Variants in NPY2R observed in about 807,000 individuals in gnomAD.
The protein encoded by NPY2R is neuropeptide Y receptor type 2.
NPY2R carries 17 observed loss-of-function variants against 22.3 expected under a neutral mutation model. The ratio of observed to expected loss-of-function variants is 0.76; its 90% CI spans 0.52 to 1.14. The LOEUF (loss-of-function observed/expected upper bound fraction) is 1.14. Among genes scored for constraint, NPY2R ranks in the 50% most tolerant of loss-of-function variants. NPY2R has a pLI of 0.00. For synonymous variants in NPY2R, 209 were observed against 183.4 expected, an observed-to-expected ratio of 1.14 and a Z score of -1.13; for missense variants, 424 against 467.9, an observed-to-expected ratio of 0.91 and a Z score of 0.87.
chr4:155,213,911 G>C lies in NPY2R; in HGVS notation c.-29G>C, dbSNP rs536462319. The stretch of plus-strand genomic sequence containing the variant: ...TTTTAGGTTGTAGACTCTTGTGCTG[G>C]TTGCAGGCCAAGTGGACCTGTACTG... On this transcript the variant is annotated 5_prime_UTR_variant, in exon 2 of 2. Transcript: ENST00000329476. 4 of 1,590,522 alleles carry C rather than the reference G, an allele frequency of 2.5e-6. No homozygotes were observed. The highest frequency in any genetic ancestry group is 2.6e-6 in the Non-Finnish European group (3 of 1,159,020).
At chr4:155,195,225 A>G in the NPY2R span, among the ~76,000 whole-genome samples, 1 of 151,944 alleles carries the variant, frequency 6.6e-6, no homozygotes, top group Non-Finnish European at 1.5e-5. Context: ...AATTCAGATG[A>G]CATTCTCTCT....
rs1357375268 is a variant in NPY2R, at chr4:155,214,644, A to G, written c.705A>G (p.Ile235Met). 2.5e-6 allele frequency: 4 copies of G among 1,614,084 alleles called. No homozygotes were observed. The highest frequency in any genetic ancestry group is 1.6e-4 in the Middle Eastern group (1 of 6,084). The change falls in exon 2 of 2, where the codon ATA becomes ATG. Residue 235 changes from isoleucine (I) to methionine (M), a missense_variant. By Grantham distance (10) the Ile-to-Met change is conservative. Coordinates refer to ENST00000329476, the MANE Select transcript of NPY2R (RefSeq NM_000910.4). The stretch of plus-strand genomic sequence containing the variant: ...TGTATGTTTTGCCTCTGGGCATTAT[A>G]TCATTTTCCTACACTCGCATTTGGA... ...LILYVLPLGI[I>M]SFSYTRIWSK... is the part of the protein sequence containing the mutation.
At chr4:155,176,212 G>C in the NPY2R span, among the ~76,000 whole-genome samples, 4 of 152,238 alleles carry the variant, frequency 2.6e-5, no homozygotes, top group Admixed American at 1.3e-4. Flanking sequence ...ATTTGAGACT[G>C]TATATCCCTT....
At chr4:155,187,359 A>G in the NPY2R span, among the ~76,000 whole-genome samples, 38 of 152,204 alleles carry the variant, frequency 2.5e-4, no homozygotes, top group African/African-American at 8.9e-4. Context: ...CTTGGCAGGA[A>G]TCACCAAAAG....
chr4:155,204,183 G>A (rs536501943), upstream of NPY2R, among the ~76,000 whole-genome samples: 1 of 151,362 alleles, frequency 6.6e-6, no homozygotes, highest in Non-Finnish European at 1.5e-5. Context: ...CTCAGGGACC[G>A]CTGATATTAA....
chr4:155,215,806 A>G lies in NPY2R; in HGVS notation c.*721A>G, dbSNP rs925524819. On this transcript the variant is annotated 3_prime_UTR_variant, in exon 2 of 2. Coordinates refer to ENST00000329476, the MANE Select transcript of NPY2R (RefSeq NM_000910.4). ...ATTCTCAGAATTACAGGAAATGCAA[A>G]CCATCATTTAATTTCTAATTTCAAG... 26 of 167,122 alleles carry G rather than the reference A, an allele frequency of 1.6e-4. No individual in the cohort carries two copies. Among genetic ancestry groups the G allele is most frequent in the African/African-American group, 6.3e-4 (26 of 41,444 alleles). 10.4% of individuals were successfully genotyped at this position (167,122 alleles called of 1,614,324 possible). A position where few individuals can be genotyped will look rare whatever the true frequency, so the allele number is the denominator to read the frequency against.
chr4:155,214,689 C>G lies in NPY2R; in HGVS notation c.750C>G (p.Val250=). 6.2e-7 allele frequency: 1 copy of G among 1,614,220 alleles called. No individual in the cohort carries two copies. The highest frequency in any genetic ancestry group is 8.5e-7 in the Non-Finnish European group (1 of 1,180,048). ...TTTGGAGTAAATTGAAGAACCATGTCAGTCCTGGAGCTGCAAATGACCACT... is the reference window on the plus strand; with the variant it reads ...TTTGGAGTAAATTGAAGAACCATGTGAGTCCTGGAGCTGCAAATGACCACT... The part of the protein sequence containing the change: ...TRIWSKLKNH[V]SPGAANDHYH... Residue 250 remains valine (V), a synonymous_variant, in exon 2 of 2, where the codon GTC becomes GTG. Transcript: ENST00000329476.
the NPY2R span, among the ~76,000 whole-genome samples, chr4:155,185,704 G>T: frequency 0.022 from 3,225 of 148,438 alleles, 126 homozygotes; most frequent in African/African-American, 0.075. Flanking sequence ...ATCTAATTTT[G>T]GTACAACAAA....
intron 1 of NPY2R, among the ~76,000 whole-genome samples, 180 bp downstream of exon 1, chr4:155,209,249 C>G (rs1729352942): frequency 6.6e-6 from 1 of 151,984 alleles, no homozygotes; most frequent in South Asian, 2.1e-4. Flanking sequence ...TCTACTTTCT[C>G]TAGATTTTCC....
At chr4:155,185,960 T>A in the NPY2R span, among the ~76,000 whole-genome samples, 1 of 152,136 alleles carries the variant, frequency 6.6e-6, no homozygotes, top group Non-Finnish European at 1.5e-5. Context: ...TGTTTACACG[T>A]CTGAAAAGTG....
rs1318564922 is a variant in NPY2R at position 155,215,318 on chromosome 4, T to C, written c.*233T>C. 1.6e-6 allele frequency: 1 copy of C among 609,298 alleles called. No homozygotes were observed. Among genetic ancestry groups the C allele is most frequent in the Non-Finnish European group, 3.0e-6 (1 of 334,290 alleles). 37.7% of individuals were successfully genotyped at this position (609,298 alleles called of 1,614,324 possible). Reference sequence around the variant, plus strand: ...CTTAACAGTTGGTTGGGTAGTAGGTTGCATTATGAGTAAAAGCAGAGAGAA... The same window carrying C: ...CTTAACAGTTGGTTGGGTAGTAGGTCGCATTATGAGTAAAAGCAGAGAGAA... On this transcript the variant is annotated 3_prime_UTR_variant, in exon 2 of 2. Transcript: ENST00000329476.
intron 1 of NPY2R, among the ~76,000 whole-genome samples, chr4:155,211,371 G>T (rs759427262): frequency 6.6e-6 from 1 of 152,124 alleles, no homozygotes; most frequent in African/African-American, 2.4e-5. Context: ...GTTTAAAACG[G>T]GGAGGGCAGA....
chr4:155,192,175 ATT>A, the NPY2R span, among the ~76,000 whole-genome samples: 17,730 of 151,814 alleles, frequency 0.12, 1,342 homozygotes, highest in African/African-American at 0.21. Context: ...TCAAAACAGG[ATT>A]ATTATAGTGT....
the NPY2R span, among the ~76,000 whole-genome samples, chr4:155,197,330 C>A: frequency 6.6e-6 from 1 of 151,860 alleles, no homozygotes. Flanking sequence ...TCTGAATAAA[C>A]CTAAGGTCAC....
At chr4:155,200,888 C>T in the NPY2R span, among the ~76,000 whole-genome samples, 1 of 151,856 alleles carries the variant, frequency 6.6e-6, no homozygotes, top group Non-Finnish European at 1.5e-5. Flanking sequence ...AGCATTAAGA[C>T]AAACTGCTAA....
chr4:155,185,950 T>C, the NPY2R span, among the ~76,000 whole-genome samples: 1 of 152,144 alleles, frequency 6.6e-6, no homozygotes, highest in African/African-American at 2.4e-5. Flanking sequence ...ATATACATCA[T>C]GTTTACACGT....
chr4:155,192,628 T>C, the NPY2R span, among the ~76,000 whole-genome samples: 11 of 151,942 alleles, frequency 7.2e-5, no homozygotes, highest in African/African-American at 2.4e-4. Flanking sequence ...ATTAATTGCT[T>C]AACAGCTTTC....
intron 1 of NPY2R, among the ~76,000 whole-genome samples, chr4:155,209,798 T>G (rs1245301490): frequency 6.6e-6 from 1 of 152,038 alleles, no homozygotes; most frequent in Admixed American, 6.5e-5. Context: ...CTGGAAGACA[T>G]TGTGCTTGAT....
At chr4:155,182,113 G>A in the NPY2R span, among the ~76,000 whole-genome samples, 1 of 152,046 alleles carries the variant, frequency 6.6e-6, no homozygotes, top group Admixed American at 6.5e-5. Context: ...GGCTCCTCAA[G>A]ACTAAAAGAG....
Sources: gnomAD v4.1 joint callset for allele counts (sites outside exome capture counted in the v4.1 genomes callset) on GRCh38, gnomAD v4.1.1 for gene constraint, MANE v1.5 for transcripts, NCBI Gene and HGNC (gene_info 2026-07-23, HGNC 2026-07-21) for gene names.